The following FLT1 variants were observed in gnomAD, a reference collection of about 807,000 sequenced individuals.
The protein encoded by FLT1 is vascular endothelial growth factor receptor 1.
In FLT1, 49 loss-of-function variants were observed where a neutral mutation model predicts 156.3. The observed-to-expected ratio is 0.31, with a 90% confidence interval of 0.25 to 0.40. The LOEUF is 0.40. Among genes scored for constraint, FLT1 ranks in the 10% least tolerant of loss-of-function variants. FLT1 has a pLI of 1.00. For missense variants in FLT1, 1,322 were observed against 1,637.2 expected (o/e 0.81, Z 3.32); for synonymous variants, 594 against 583.8 (o/e 1.02, Z -0.25).
In FLT1 at chr13:28,307,814, G is replaced by A. The variant is rs1163339105; in HGVS notation, c.3720+1029C>T. ...GACGGAGTCCAGCTCTGTCGCCCAGGCTGCTAGAGTGCAGTGGCGCGATCT... is the reference window on the plus strand; with the variant it reads ...GACGGAGTCCAGCTCTGTCGCCCAGACTGCTAGAGTGCAGTGGCGCGATCT... On this transcript the variant is annotated intron_variant, in intron 28 of 29. Transcript: ENST00000282397. Among the ~76,000 whole-genome samples the A allele has an allele frequency of 7.9e-4, 8 of 10,104 alleles. No individual in the cohort carries two copies. The East Asian group carries it at 0.5, about 631-fold the overall frequency. The allele number at this position is 10,104 out of a possible 152,430, so 6.6% of individuals were successfully genotyped here.
In FLT1 at chr13:28,467,038, C is replaced by T. The variant is rs764704371; in HGVS notation, c.253G>A (p.Gly85Ser). 14 of 1,614,008 alleles carry T rather than the reference C, an allele frequency of 8.7e-6. No homozygotes were observed. Among genetic ancestry groups the T allele is most frequent in the African/African-American group, 1.3e-5 (1 of 74,894 alleles). ...SITKSACGRN[G>S]KQFCSTLTLN... ...GTTAAAGTACTGCAGAATTGTTTGC[C>T]ATTTCTTCCACAGGCAGATTTAGTT... Residue 85 changes from glycine (G) to serine (S), a missense_variant, in exon 3 of 30, where the codon GGC becomes AGC. Physicochemically the swap from Gly to Ser is moderately conservative, Grantham distance 56. This residue lies in a region of FLT1 where 991 missense variants were observed against 1,254.8 expected (regional missense o/e 0.79). Transcript: ENST00000282397.
chr13:28,301,241 CTGATTTATAAAAT>C lies in FLT1; in HGVS notation c.*1913_*1925del, dbSNP rs1870503771. On this transcript the variant is annotated 3_prime_UTR_variant, in exon 30 of 30. Transcript: ENST00000282397. ...CTGTGTTTAACCTCCTTCCAGTTAC[CTGATTTATAAAAT>C]TGCCAGCTGTCACAGGTGGTTTGCG... 4.3e-6 allele frequency: 1 copy of C among 232,260 alleles called. No homozygotes were observed. Among genetic ancestry groups the C allele is most frequent in the African/African-American group, 2.2e-5 (1 of 45,046 alleles). 14.4% of individuals were successfully genotyped at this position (232,260 alleles called of 1,614,324 possible).
chr13:28,367,711 A>C (rs537381884), intron 14 of FLT1, among the ~76,000 whole-genome samples: 13 of 152,286 alleles, frequency 8.5e-5, no homozygotes, highest in Admixed American at 2.6e-4. Context: ...GTTCCCCCCC[A>C]CACACAAAAG....
chr13:28,360,219 C>T (rs182378613), intron 14 of FLT1, among the ~76,000 whole-genome samples: 96 of 152,274 alleles, frequency 6.3e-4, no homozygotes, highest in African/African-American at 2.2e-3. Flanking sequence ...AAGAAGGGAA[C>T]CCTTATACAC....
At position 28,317,602 on chromosome 13, in the gene FLT1, G is replaced by C; in HGVS notation, c.3287-5C>G. 6.3e-7 allele frequency: 1 copy of C among 1,598,748 alleles called. No homozygotes were observed. The highest frequency in any genetic ancestry group is 8.6e-7 in the Non-Finnish European group (1 of 1,165,942). On this transcript the variant is annotated splice_region_variant and splice_polypyrimidine_tract_variant and intron_variant, in intron 24 of 29. Transcript: ENST00000282397. ...CTCCTGGGTATGGAGACCCACCTGCGGGAGACAATGTGGAAAACACAGGGC... is the reference window on the plus strand; with the variant it reads ...CTCCTGGGTATGGAGACCCACCTGCCGGAGACAATGTGGAAAACACAGGGC...
At chr13:28,406,114 C>A (rs1176953828) in intron 10 of FLT1, among the ~76,000 whole-genome samples, 1 of 151,944 alleles carries the variant, frequency 6.6e-6, no homozygotes, top group African/African-American at 2.4e-5. Flanking sequence ...TAGTGTGTCA[C>A]CATACATCCT....
At chr13:28,358,233 A>AT (rs1212551752) in intron 14 of FLT1, among the ~76,000 whole-genome samples, 1 of 152,172 alleles carries the variant, frequency 6.6e-6, no homozygotes, top group Admixed American at 6.5e-5. Context: ...TTTGTGACAT[A>AT]TGGGTCAAAG....
chr13:28,398,249 T>C (rs1875186416), intron 11 of FLT1, among the ~76,000 whole-genome samples: 1 of 152,200 alleles, frequency 6.6e-6, no homozygotes, highest in Non-Finnish European at 1.5e-5. Context: ...GCTTTGAAAT[T>C]GCAGAGGCTG....
chr13:28,464,684 A>G (rs1247861049), intron 3 of FLT1, among the ~76,000 whole-genome samples: 1 of 152,238 alleles, frequency 6.6e-6, no homozygotes, highest in Non-Finnish European at 1.5e-5. Flanking sequence ...GCTCTGTTGT[A>G]TAGTTGAAAT....
At chr13:28,440,608 A>AGCAGGCTTTGGG in intron 3 of FLT1, among the ~76,000 whole-genome samples, 1 of 152,162 alleles carries the variant, frequency 6.6e-6, no homozygotes, top group Non-Finnish European at 1.5e-5. Context: ...GGTGTGTGAG[A>AGCAGGCTTTGGG]GCAGGCTTTG....
intron 14 of FLT1, among the ~76,000 whole-genome samples, chr13:28,361,164 A>G (rs1475669954): frequency 6.6e-6 from 1 of 152,112 alleles, no homozygotes; most frequent in African/African-American, 2.4e-5. Flanking sequence ...CGGTAGTCCC[A>G]GCTACTCGGG....
chr13:28,327,821 A>T (rs1871753971), intron 19 of FLT1, among the ~76,000 whole-genome samples: 1 of 151,444 alleles, frequency 6.6e-6, no homozygotes, highest in Non-Finnish European at 1.5e-5. Context: ...AAAGATTGGA[A>T]GAAGGACAGA....
intron 10 of FLT1, among the ~76,000 whole-genome samples, chr13:28,410,838 C>T (rs1467872831): frequency 3.9e-5 from 6 of 152,164 alleles, no homozygotes. Context: ...AAATGCTTTG[C>T]TCAAGTTCAC....
intron 29 of FLT1, among the ~76,000 whole-genome samples, chr13:28,304,599 T>C (rs548915277): frequency 2.0e-4 from 31 of 152,278 alleles, no homozygotes; most frequent in African/African-American, 6.7e-4. Context: ...TGGTTTTTTG[T>C]ATAGACACAA....
chr13:28,435,139 C>G (rs1421434547), intron 4 of FLT1, among the ~76,000 whole-genome samples: 3 of 152,210 alleles, frequency 2.0e-5, no homozygotes, highest in Non-Finnish European at 4.4e-5. Context: ...TCAGCTCTGC[C>G]TCTGGAAAGG....
At chr13:28,314,596 A>G (rs572239785) in intron 25 of FLT1, among the ~76,000 whole-genome samples, 1 of 152,256 alleles carries the variant, frequency 6.6e-6, no homozygotes, top group South Asian at 2.1e-4. Flanking sequence ...TTTCCAAGCT[A>G]TCACCCAAGT....
chr13:28,305,070 G>A (rs758471196), intron 29 of FLT1, among the ~76,000 whole-genome samples: 5 of 152,014 alleles, frequency 3.3e-5, no homozygotes, highest in African/African-American at 9.7e-5. Flanking sequence ...GCTGAGTCTC[G>A]GGATAACTGT....
intron 25 of FLT1, among the ~76,000 whole-genome samples, chr13:28,312,469 C>T (rs1488460958): frequency 6.6e-6 from 1 of 151,690 alleles, no homozygotes; most frequent in Non-Finnish European, 1.5e-5. Flanking sequence ...AAGTGGAGTA[C>T]TCCTCCCCAC....
Position 28,493,876 on chromosome 13 carries a change from C to T in FLT1, c.64+904G>A, listed in dbSNP as rs150950913. 1.6e-3 allele frequency among the ~76,000 whole-genome samples: 244 copies of T among 152,370 alleles called. 3 individuals carry two copies. The highest frequency in any genetic ancestry group is 5.6e-3 in the African/African-American group (231 of 41,588). The stretch of plus-strand genomic sequence containing the variant: ...GACTTAGGTGGCGGGCGGACCTCAT[C>T]GATTCCTCAAACCACATCGTTTGGT... On this transcript the variant is annotated intron_variant, in intron 1 of 29. Coordinates refer to ENST00000282397, the MANE Select transcript of FLT1 (RefSeq NM_002019.4).
Sources: allele counts gnomAD v4.1 joint callset (sites outside exome capture counted in the v4.1 genomes callset), GRCh38; gene constraint gnomAD v4.1.1; regional missense constraint gnomAD v4.1.1; transcripts MANE v1.5; gene names NCBI Gene and HGNC (gene_info 2026-07-23, HGNC 2026-07-21).